GEMIN5: variants seen among roughly 807,000 people sequenced by gnomAD.
GEMIN5 encodes the protein gem nuclear organelle associated protein 5.
GEMIN5 carries 124 observed loss-of-function variants against 176.9 expected under a neutral mutation model. The ratio of observed to expected loss-of-function variants is 0.70; its 90% CI spans 0.61 to 0.81. The LOEUF (loss-of-function observed/expected upper bound fraction) is 0.81, where lower values mean the gene tolerates loss of function less well. GEMIN5 is among the 40% of genes least tolerant of loss of function. GEMIN5 has a pLI of 0.00. For synonymous variants in GEMIN5, 673 were observed against 665.2 expected, an observed-to-expected ratio of 1.01 and a Z score of -0.18; for missense variants, 1,843 against 1,814.6, an observed-to-expected ratio of 1.02 and a Z score of -0.28.
chr5:154,902,500 G>A (rs1047286111), intron 20 of GEMIN5, 39 bp downstream of exon 20: 1 of 1,606,136 alleles, frequency 6.2e-7, no homozygotes, highest in Admixed American at 1.7e-5. Flanking sequence ...AGAGATGATA[G>A]AGCTTTTGTT....
At position 154,921,380 on chromosome 5, in the gene GEMIN5, A is replaced by T. The variant is rs348739; in HGVS notation, c.1425T>A (p.Thr475=). Residue 475 remains threonine, a synonymous_variant, in exon 10 of 28, where the codon ACT becomes ACA. Coordinates refer to ENST00000285873, the MANE Select transcript of GEMIN5 (RefSeq NM_015465.5). ...GGGGTACTGGTGGCCCCCAGGCTAA[A>T]GTATATACAGTCTTCTTATGATATG... ...SSTYHKKTVY[T]LAWGPPVPPM... 5 of 1,499,092 alleles carry T rather than the reference A, an allele frequency of 3.3e-6. No homozygotes were observed. Among genetic ancestry groups the T allele is most frequent in the African/African-American group, 1.4e-5 (1 of 71,492 alleles). The allele number at this position is 1,499,092 out of a possible 1,614,324, so 92.9% of individuals were successfully genotyped here.
intron 8 of GEMIN5, among the ~76,000 whole-genome samples, chr5:154,925,396 T>A (rs1311135687): frequency 6.6e-6 from 1 of 152,184 alleles, no homozygotes; most frequent in South Asian, 2.1e-4. Context: ...TACCTTTAGA[T>A]TCAATAGCCA....
chr5:154,936,014 T>C lies in GEMIN5; in HGVS notation c.336A>G (p.Ile112Met), dbSNP rs1220871600. The change falls in exon 3 of 28, where the codon ATA becomes ATG. Residue 112 changes from isoleucine (I) to methionine (M), a missense_variant. Ile to Met is a conservative substitution (Grantham distance 10). Coordinates refer to ENST00000285873, the MANE Select transcript of GEMIN5 (RefSeq NM_015465.5). ...VTEHALHQHTISTLHWSPRVK... is the reference protein window; with the variant it reads ...VTEHALHQHTMSTLHWSPRVK... Reference sequence around the variant, plus strand: ...CTCGAGGAGACCAATGTAATGTTGATATCGTATGCTTTAAAACAAAACAAA... The same window carrying C: ...CTCGAGGAGACCAATGTAATGTTGACATCGTATGCTTTAAAACAAAACAAA... 22 of 1,585,470 alleles carry C rather than the reference T, an allele frequency of 1.4e-5. No homozygotes were observed. The highest frequency in any genetic ancestry group is 1.8e-5 in the Non-Finnish European group (21 of 1,169,598).
chr5:154,897,916 T>C (rs1279512768), intron 23 of GEMIN5, among the ~76,000 whole-genome samples: 1 of 146,918 alleles, frequency 6.8e-6, no homozygotes, highest in East Asian at 2.0e-4. Flanking sequence ...TTTTTTGTGT[T>C]TTTTTTTTTT....
rs765376865 is a variant in GEMIN5, at chr5:154,902,614, C to T, written c.2791G>A (p.Asp931Asn). The change falls in exon 20 of 28, where the codon GAT becomes AAT. Residue 931 changes from aspartate (D) to asparagine (N), a missense_variant. By Grantham distance (23) the Asp-to-Asn change is conservative. Transcript: ENST00000285873. ...LFHQLMLWKGDLKGVLQTAAE... is the reference protein window; with the variant it reads ...LFHQLMLWKGNLKGVLQTAAE... Reference sequence around the variant, plus strand: ...GCAGTCTGGAGAACACCTTTGAGATCTCCTTTCCAAAGCATAAGCTGGTGA... The same window carrying T: ...GCAGTCTGGAGAACACCTTTGAGATTTCCTTTCCAAAGCATAAGCTGGTGA... The T allele has an allele frequency of 1.9e-6, 3 of 1,614,020 alleles. No individual in the cohort carries two copies. Among genetic ancestry groups the T allele is most frequent in the Non-Finnish European group, 1.7e-6 (2 of 1,179,866 alleles).
chr5:154,905,119 G>A (rs529339989), intron 17 of GEMIN5, among the ~76,000 whole-genome samples: 12 of 152,126 alleles, frequency 7.9e-5, no homozygotes, highest in Non-Finnish European at 1.5e-4. Context: ...GCTTGAGCCC[G>A]GGAAGTGGAG....
chr5:154,905,903 G>T (rs1425394740), intron 16 of GEMIN5, among the ~76,000 whole-genome samples: 4 of 151,858 alleles, frequency 2.6e-5, no homozygotes, highest in African/African-American at 9.7e-5. Flanking sequence ...GTTGGCCAGG[G>T]TGATCTCAAA....
intron 20 of GEMIN5, among the ~76,000 whole-genome samples, chr5:154,902,077 C>A (rs1351472349): frequency 1.3e-5 from 2 of 151,898 alleles, no homozygotes; most frequent in African/African-American, 4.8e-5. Context: ...GCTGGTATTA[C>A]AGGCATGAAT....
At chr5:154,916,069 G>A (rs941623419) in intron 13 of GEMIN5, among the ~76,000 whole-genome samples, 3 of 151,102 alleles carry the variant, frequency 2.0e-5, no homozygotes, top group Non-Finnish European at 2.9e-5. Flanking sequence ...TTTATTTTTT[G>A]TATAGGTGGG....
Position 154,891,330 on chromosome 5 carries a change from ACTCTTTTGGTGT to A in GEMIN5, c.4161_4172del (p.Gln1387_Ser1391delinsHis), listed in dbSNP as rs935870303. ...CATTTGCTGTGGATTTACAGAGTTG[ACTCTTTTGGTGT>A]TGTCGGATCATTTCTGCCAAGGTCT... On this transcript the variant is annotated inframe_deletion, in exon 26 of 28. Coordinates refer to ENST00000285873, the MANE Select transcript of GEMIN5 (RefSeq NM_015465.5). The A allele has an allele frequency of 6.2e-6, 10 of 1,613,420 alleles. No individual in the cohort carries two copies. Among genetic ancestry groups the A allele is most frequent in the Non-Finnish European group, 8.5e-6 (10 of 1,179,816 alleles).
chr5:154,908,538 T>A (rs369355255), intron 15 of GEMIN5, among the ~76,000 whole-genome samples: 2 of 152,200 alleles, frequency 1.3e-5, no homozygotes, highest in Non-Finnish European at 2.9e-5. Context: ...GTACATTTGG[T>A]TGCCATGCCT....
chr5:154,894,868 C>G (rs1334620209), intron 24 of GEMIN5, among the ~76,000 whole-genome samples: 2 of 150,846 alleles, frequency 1.3e-5, no homozygotes, highest in African/African-American at 4.9e-5. Flanking sequence ...GATCATGCCA[C>G]TGTACTCCAG....
chr5:154,918,912 G>A (rs998513310), intron 11 of GEMIN5, among the ~76,000 whole-genome samples: 1 of 151,884 alleles, frequency 6.6e-6, no homozygotes, highest in Admixed American at 6.6e-5. Context: ...GTCTTGGCAC[G>A]TGCCTGTAAT....
intron 4 of GEMIN5, 116 bp downstream of exon 4, chr5:154,931,983 C>G (rs538073747): frequency 1.2e-6 from 1 of 838,690 alleles, no homozygotes; most frequent in East Asian, 2.6e-5. Flanking sequence ...CCAGCCTAGG[C>G]AACAAAAGCA....
At chr5:154,917,733 T>G (rs533223118) in intron 12 of GEMIN5, among the ~76,000 whole-genome samples, 198 bp downstream of exon 12, 3 of 152,194 alleles carry the variant, frequency 2.0e-5, no homozygotes, top group Non-Finnish European at 2.9e-5. Context: ...ATACTCTCAA[T>G]GGGCTGAAAA....
In GEMIN5 at chr5:154,931,590, T is replaced by C; in HGVS notation, c.662-13A>G. 6.3e-7 allele frequency: 1 copy of C among 1,576,418 alleles called. No homozygotes were observed. Among genetic ancestry groups the C allele is most frequent in the South Asian group, 1.1e-5 (1 of 87,200 alleles). On this transcript the variant is annotated splice_polypyrimidine_tract_variant and intron_variant, in intron 4 of 27. Coordinates refer to ENST00000285873, the MANE Select transcript of GEMIN5 (RefSeq NM_015465.5). Reference sequence around the variant, plus strand: ...ATTTCAGCTTCTTCTATGAGATAGGTGGCAATTTTGTTTTTAATTTACATT... The same window carrying C: ...ATTTCAGCTTCTTCTATGAGATAGGCGGCAATTTTGTTTTTAATTTACATT...
intron 23 of GEMIN5, 75 bp from the exon 24 acceptor site, chr5:154,896,418 CCT>C: frequency 1.4e-6 from 2 of 1,420,404 alleles, no homozygotes; most frequent in South Asian, 3.1e-5. Flanking sequence ...TCTCCCGTGT[CCT>C]TCAAAGTATT....
intron 8 of GEMIN5, 119 bp from the exon 9 acceptor site, chr5:154,924,673 A>ATTTCTTCATTTTCTCC: frequency 2.9e-6 from 2 of 694,388 alleles, no homozygotes; most frequent in South Asian, 3.5e-5. Context: ...TTTCTTCATT[A>ATTTCTTCATTTTCTCC]TTTAAAGGAG....
At chr5:154,915,063 G>A (rs1763784138) in intron 13 of GEMIN5, among the ~76,000 whole-genome samples, 1 of 152,150 alleles carries the variant, frequency 6.6e-6, no homozygotes, top group Non-Finnish European at 1.5e-5. Context: ...ATGATATAAA[G>A]TGGATGATTA....
Sources: allele counts gnomAD v4.1 joint callset (sites outside exome capture counted in the v4.1 genomes callset), GRCh38; gene constraint gnomAD v4.1.1; transcripts MANE v1.5; gene names NCBI Gene and HGNC (gene_info 2026-07-23, HGNC 2026-07-21).